The following LINGO1 variants were observed in gnomAD, a reference collection of about 807,000 sequenced individuals.
LINGO1 encodes the protein leucine rich repeat and Ig domain containing 1.
Under a neutral mutation model 37.3 loss-of-function variants are expected in LINGO1, and 11 were observed. The ratio of observed to expected loss-of-function variants is 0.29; its 90% CI spans 0.19 to 0.49. The LOEUF (loss-of-function observed/expected upper bound fraction) is 0.49, where lower values mean the gene tolerates loss of function less well. Among genes scored for constraint, LINGO1 ranks in the 20% least tolerant of loss-of-function variants. The probability of loss-of-function intolerance (pLI) is 0.99; values close to 1 mark genes in which losing one functional copy is unlikely to be tolerated. For missense variants in LINGO1, 585 were observed against 878.2 expected (o/e 0.67, Z 4.22); for synonymous variants, 387 against 403.0 (o/e 0.96, Z 0.48).
At chr15:77,730,402 C>G (rs1015641701) in intron 2 of LINGO1, among the ~76,000 whole-genome samples, 3 of 152,210 alleles carry the variant, frequency 2.0e-5, no homozygotes, top group African/African-American at 7.2e-5. Context: ...AGTACTGGAG[C>G]TGGGACTCAC....
At chr15:77,637,951 C>T (rs1056364141), upstream of LINGO1, among the ~76,000 whole-genome samples, 8 of 152,236 alleles carry the variant, frequency 5.3e-5, no homozygotes, top group Non-Finnish European at 8.8e-5. This position sits in a 1 kb window ranked among gnomAD's most constrained non-coding sequence, Gnocchi z 4.6. Flanking sequence ...CAGGGACACT[C>T]TTGAATCCAT....
At chr15:77,769,104 C>T (rs1373035946) in intron 1 of LINGO1, among the ~76,000 whole-genome samples, 1 of 152,238 alleles carries the variant, frequency 6.6e-6, no homozygotes, top group Admixed American at 6.5e-5. Context: ...TGCTCCAGAC[C>T]CTGGCCGCAG....
chr15:77,724,541 G>C lies in LINGO1; in HGVS notation c.-195+10451C>G, dbSNP rs577937263. ...GTGCTGGCACTGGCCAAGGTCACCAGCAAGCCTGCAGTGGCAGAGGCACTT... is the reference window on the plus strand; with the variant it reads ...GTGCTGGCACTGGCCAAGGTCACCACCAAGCCTGCAGTGGCAGAGGCACTT... On this transcript the variant is annotated intron_variant, in intron 2 of 3. Coordinates refer to the LINGO1 transcript ENST00000561686. Among the ~76,000 whole-genome samples, 18 of 152,358 alleles carry C rather than the reference G, an allele frequency of 1.2e-4. 1 individual carries two copies. The highest frequency in any genetic ancestry group is 3.4e-4 in the African/African-American group (14 of 41,574).
chr15:77,684,105 C>T (rs1357637299), intron 2 of LINGO1, among the ~76,000 whole-genome samples: 6 of 152,196 alleles, frequency 3.9e-5, no homozygotes, highest in African/African-American at 1.2e-4. Context: ...TAAGTAACTG[C>T]TCAGGTGTCA....
intron 2 of LINGO1, among the ~76,000 whole-genome samples, chr15:77,713,858 C>T (rs189396893): frequency 2.0e-5 from 3 of 152,124 alleles, no homozygotes; most frequent in African/African-American, 7.2e-5. Context: ...CCTAGGTGTG[C>T]CTTCTCAGCC....
chr15:77,683,349 C>T (rs78593865), intron 2 of LINGO1, among the ~76,000 whole-genome samples: 7,271 of 152,218 alleles, frequency 0.048, 218 homozygotes, highest in East Asian at 0.13. Flanking sequence ...TCACCCCGGC[C>T]ACTCGCATCT....
intron 1 of LINGO1, among the ~76,000 whole-genome samples, chr15:77,781,943 G>A (rs948831051): frequency 1.3e-5 from 2 of 152,210 alleles, no homozygotes; most frequent in Non-Finnish European, 2.9e-5. Context: ...CAGAGGCCCC[G>A]CATGGGAAGG....
At chr15:77,718,029 C>T (rs1371284995) in intron 2 of LINGO1, among the ~76,000 whole-genome samples, 3 of 150,890 alleles carry the variant, frequency 2.0e-5, no homozygotes, top group African/African-American at 4.8e-5. Flanking sequence ...CCGAGGCCTG[C>T]CCAGAAGCTG....
chr15:77,798,777 G>T (rs1191880125), intron 1 of LINGO1, among the ~76,000 whole-genome samples: 1 of 152,124 alleles, frequency 6.6e-6, no homozygotes, highest in Non-Finnish European at 1.5e-5. Context: ...AGCCCAGGGA[G>T]CTCTCAGCCT....
intron 2 of LINGO1, among the ~76,000 whole-genome samples, chr15:77,702,581 A>G (rs1427888351): frequency 6.6e-6 from 1 of 152,196 alleles, no homozygotes; most frequent in Non-Finnish European, 1.5e-5. Flanking sequence ...TGATGCAGGT[A>G]TCAGTATTCT....
intron 3 of LINGO1, among the ~76,000 whole-genome samples, chr15:77,673,630 G>A (rs1445750811): frequency 6.6e-6 from 1 of 152,190 alleles, no homozygotes; most frequent in African/African-American, 2.4e-5. Context: ...ACTGATGGAG[G>A]TCTGGGGGTT....
At chr15:77,752,229 C>T (rs978365357) in intron 1 of LINGO1, among the ~76,000 whole-genome samples, 1 of 152,240 alleles carries the variant, frequency 6.6e-6, no homozygotes, top group African/African-American at 2.4e-5. Flanking sequence ...TTGTCTCCCC[C>T]AAGGTGGACT....
At chr15:77,694,297 G>A (rs2075653645) in intron 1 of LINGO1, among the ~76,000 whole-genome samples, 1 of 152,148 alleles carries the variant, frequency 6.6e-6, no homozygotes, top group African/African-American at 2.4e-5. Context: ...AGCCCACACT[G>A]TGAGGCAGAT....
intron 3 of LINGO1, among the ~76,000 whole-genome samples, chr15:77,641,443 C>T (rs1291334694): frequency 4.6e-5 from 7 of 152,192 alleles, no homozygotes; most frequent in South Asian, 4.1e-4. Context: ...TGCATCACCC[C>T]GGCCCGTCTG....
At chr15:77,779,510 G>T (rs541123710) in intron 1 of LINGO1, among the ~76,000 whole-genome samples, 4 of 152,184 alleles carry the variant, frequency 2.6e-5, no homozygotes, top group African/African-American at 9.6e-5. Context: ...CCCATCTGGG[G>T]ATGATGGGAG....
At chr15:77,792,479 C>T (rs1433921260) in intron 2 of LINGO1, among the ~76,000 whole-genome samples, 2 of 152,230 alleles carry the variant, frequency 1.3e-5, no homozygotes, top group African/African-American at 4.8e-5. Flanking sequence ...CTGTGAGGGC[C>T]TCTGTGCTGG....
chr15:77,783,369 C>A (rs946374002), intron 1 of LINGO1, among the ~76,000 whole-genome samples: 6 of 152,160 alleles, frequency 3.9e-5, no homozygotes, highest in Non-Finnish European at 8.8e-5. Flanking sequence ...AAAGGGCAGG[C>A]TGGCTCCAAG....
intron 2 of LINGO1, among the ~76,000 whole-genome samples, chr15:77,682,353 C>T (rs942768190): frequency 4.0e-5 from 6 of 149,710 alleles, no homozygotes; most frequent in Admixed American, 3.4e-4. Context: ...AGAATAGGCA[C>T]TTCACAAAAA....
chr15:77,678,992 C>T (rs1440401217), intron 2 of LINGO1, among the ~76,000 whole-genome samples: 6 of 152,068 alleles, frequency 3.9e-5, no homozygotes, highest in Non-Finnish European at 8.8e-5. Flanking sequence ...CTTCCACTTC[C>T]CTGGTGGGGA....
Sources: gnomAD v4.1 joint callset for allele counts (sites outside exome capture counted in the v4.1 genomes callset) on GRCh38, gnomAD v4.1.1 for gene constraint, Gnocchi (gnomAD v3.1) non-coding constraint, MANE v1.5 for transcripts, NCBI Gene and HGNC (gene_info 2026-07-23, HGNC 2026-07-21) for gene names.